KCNC1: variants seen among roughly 807,000 people sequenced by gnomAD.
KCNC1 encodes the protein potassium voltage-gated channel subfamily C member 1.
In KCNC1, 8 loss-of-function variants were observed where a neutral mutation model predicts 43.4. That is an observed-to-expected ratio of 0.18 (90% confidence interval 0.11 to 0.33). KCNC1 has a LOEUF of 0.33. Ranked by LOEUF, KCNC1 falls within the 10% of genes least tolerant of loss-of-function variation. KCNC1 has a pLI of 1.00. For missense variants in KCNC1, 420 were observed against 836.0 expected, an observed-to-expected ratio of 0.50 and a Z score of 6.14; for synonymous variants, 361 against 360.5, an observed-to-expected ratio of 1.00 and a Z score of -0.01.
At chr11:17,760,361 C>T (rs1448578059) in intron 1 of KCNC1, among the ~76,000 whole-genome samples, 1 of 152,116 alleles carries the variant, frequency 6.6e-6, no homozygotes, top group Admixed American at 6.5e-5. Flanking sequence ...GAGGAATTTC[C>T]CACGTGGGAT....
intron 1 of KCNC1, among the ~76,000 whole-genome samples, chr11:17,744,000 C>T (rs973891331): frequency 6.6e-6 from 1 of 152,084 alleles, no homozygotes; most frequent in African/African-American, 2.4e-5. Flanking sequence ...CAGGCGGGCC[C>T]TCAGGATTAG....
At chr11:17,755,115 C>T (rs1223918283) in intron 1 of KCNC1, among the ~76,000 whole-genome samples, 3 of 152,044 alleles carry the variant, frequency 2.0e-5, no homozygotes, top group Admixed American at 6.6e-5. Context: ...AAGCCATAGG[C>T]GTACCTGGGG....
chr11:17,745,634 AC>A (rs1412631398), intron 1 of KCNC1, among the ~76,000 whole-genome samples: 6 of 151,788 alleles, frequency 4.0e-5, no homozygotes, highest in African/African-American at 1.5e-4. Flanking sequence ...AGTGCCCCAC[AC>A]CCAGCATCTC....
In KCNC1 at chr11:17,773,996, GCT is replaced by G. The variant is rs1849259105; in HGVS notation, c.1504+1403_1504+1404del. The G allele has an allele frequency of 1.3e-5, 13 of 985,460 alleles. No homozygotes were observed. Among genetic ancestry groups the G allele is most frequent in the African/African-American group, 1.7e-5 (1 of 57,352 alleles). 61.0% of individuals were successfully genotyped at this position (985,460 alleles called of 1,614,324 possible). ...GATTGATTTTCTTCCCTGCTATCGC[GCT>G]CTCTGACCCACCACCCCATCCCAAT... On this transcript the variant is annotated intron_variant, in intron 2 of 3. Transcript: ENST00000265969. This position sits in a 1 kb window ranked among gnomAD's most constrained non-coding sequence, Gnocchi z 4.1.
intron 2 of KCNC1, chr11:17,774,977 T>G (rs1371785603): frequency 1.0e-6 from 1 of 985,202 alleles, no homozygotes; most frequent in African/African-American, 1.7e-5. Context: ...TTAGGGGCGT[T>G]GTCCCCACCT....
At chr11:17,745,522 G>A (rs1017589391) in intron 1 of KCNC1, among the ~76,000 whole-genome samples, 1 of 152,152 alleles carries the variant, frequency 6.6e-6, no homozygotes, top group African/African-American at 2.4e-5. Context: ...TTCTCTCAGG[G>A]CAGCCAGGGC....
At position 17,782,039 on chromosome 11, in the gene KCNC1, A is replaced by C; in HGVS notation, c.*305A>C. On this transcript the variant is annotated 3_prime_UTR_variant, in exon 4 of 4. Coordinates refer to ENST00000265969, the MANE Select transcript of KCNC1 (RefSeq NM_001112741.2). ...AAAACCCAGCAAACCAAACCCACCA[A>C]CCCCCTGCAACTGTATGATTACCCT... 1 of 357,240 alleles carries C rather than the reference A, an allele frequency of 2.8e-6. No individual in the cohort carries two copies. The highest frequency in any genetic ancestry group is 5.0e-6 in the Non-Finnish European group (1 of 199,454). 22.1% of individuals were successfully genotyped at this position (357,240 alleles called of 1,614,324 possible).
At position 17,771,962 on chromosome 11, in the gene KCNC1, T is replaced by G; in HGVS notation, c.868T>G (p.Tyr290Asp). ...TGACTTTGTGGCCATCCTGCCCTTC[T>G]ACCTGGAGGTGGGGCTGAGCGGCCT... ...IIDFVAILPF[Y>D]LEVGLSGLSS... The change falls in exon 2 of 4, where the codon TAC becomes GAC. Residue 290 changes from tyrosine (Y) to aspartate (D), a missense_variant. Tyr to Asp is a radical substitution (Grantham distance 160, BLOSUM62 -3). Around this residue, in one of 5 missense-constraint regions of KCNC1, gnomAD observed 58 missense variants for 256.9 expected, o/e 0.23. Transcript: ENST00000265969. This position sits in a 1 kb window ranked among gnomAD's most constrained non-coding sequence, Gnocchi z 4.7. The G allele has an allele frequency of 6.2e-7, 1 of 1,614,220 alleles. No homozygotes were observed. Among genetic ancestry groups the G allele is most frequent in the Non-Finnish European group, 8.5e-7 (1 of 1,180,034 alleles).
chr11:17,769,882 G>A (rs1451009578), intron 1 of KCNC1, among the ~76,000 whole-genome samples: 1 of 152,112 alleles, frequency 6.6e-6, no homozygotes, highest in South Asian at 2.1e-4. Context: ...ATCTCTTCCC[G>A]TTTCTGGGCC....
intron 1 of KCNC1, among the ~76,000 whole-genome samples, chr11:17,752,362 T>C (rs1344747838): frequency 6.6e-6 from 1 of 152,202 alleles, no homozygotes; most frequent in Non-Finnish European, 1.5e-5. Flanking sequence ...CAGGTCCCGA[T>C]GAGAGTGGCT....
chr11:17,777,893 C>G lies in KCNC1; in HGVS notation c.1505-1563C>G. The stretch of plus-strand genomic sequence containing the variant: ...GCGGTAATCCCACCCACGTGCACGC[C>G]CAGCGTGTGCACGTGGGGAAGGATC... On this transcript the variant is annotated intron_variant, in intron 2 of 3. Coordinates refer to ENST00000265969, the MANE Select transcript of KCNC1 (RefSeq NM_001112741.2). The surrounding 1 kb of genome is among the most constrained non-coding windows in gnomAD (Gnocchi z 4.3). 1 of 966,562 alleles carries G rather than the reference C, an allele frequency of 1.0e-6. No individual in the cohort carries two copies. The highest frequency in any genetic ancestry group is 1.2e-6 in the Non-Finnish European group (1 of 812,172). 59.9% of individuals were successfully genotyped at this position (966,562 alleles called of 1,614,324 possible). A position where few individuals can be genotyped will look rare whatever the true frequency, so the allele number is the denominator to read the frequency against.
chr11:17,754,809 A>G (rs1447901413), intron 1 of KCNC1, among the ~76,000 whole-genome samples: 1 of 152,236 alleles, frequency 6.6e-6, no homozygotes, highest in Non-Finnish European at 1.5e-5. Context: ...GTCAATGCCA[A>G]CACGCAGCCA....
At chr11:17,778,408 A>T (rs932555819) in intron 2 of KCNC1, among the ~76,000 whole-genome samples, 1 of 152,204 alleles carries the variant, frequency 6.6e-6, no homozygotes, top group Non-Finnish European at 1.5e-5. Flanking sequence ...TGTCTTCTAC[A>T]CATTCATCTG....
At chr11:17,775,616 AC>A in intron 2 of KCNC1, 2 of 985,430 alleles carry the variant, frequency 2.0e-6, no homozygotes, top group Non-Finnish European at 2.4e-6. Context: ...GGATGCCCAG[AC>A]CGCCCACTCT....
At chr11:17,762,976 C>T (rs1849095389) in intron 1 of KCNC1, among the ~76,000 whole-genome samples, 1 of 152,306 alleles carries the variant, frequency 6.6e-6, no homozygotes, top group Non-Finnish European at 1.5e-5. Context: ...GGGATGTGTG[C>T]ATTTTATATG....
intron 1 of KCNC1, among the ~76,000 whole-genome samples, chr11:17,740,853 C>A (rs951230377): frequency 6.6e-6 from 1 of 152,120 alleles, no homozygotes; most frequent in Non-Finnish European, 1.5e-5. Flanking sequence ...CCCCTCAGCT[C>A]CCAGGGAAGG....
intron 1 of KCNC1, among the ~76,000 whole-genome samples, chr11:17,754,335 T>G (rs1849000722): frequency 6.6e-6 from 1 of 152,176 alleles, no homozygotes; most frequent in East Asian, 1.9e-4. Flanking sequence ...TGTATGGAGA[T>G]TATCTTTTTA....
intron 1 of KCNC1, among the ~76,000 whole-genome samples, chr11:17,740,930 C>G (rs1381376120): frequency 6.6e-6 from 1 of 152,166 alleles, no homozygotes; most frequent in African/African-American, 2.4e-5. Context: ...TGGGTCCCAG[C>G]CGACACAGGG....
chr11:17,749,050 A>C (rs1848934694), intron 1 of KCNC1, among the ~76,000 whole-genome samples: 1 of 152,176 alleles, frequency 6.6e-6, no homozygotes. Context: ...TTCTCACTGC[A>C]GGTGTGCCGG....
Sources: gnomAD v4.1 joint callset for allele counts (sites outside exome capture counted in the v4.1 genomes callset) on GRCh38, gnomAD v4.1.1 for gene constraint, gnomAD v4.1.1 regional missense constraint, Gnocchi (gnomAD v3.1) non-coding constraint, MANE v1.5 for transcripts, NCBI Gene and HGNC (gene_info 2026-07-23, HGNC 2026-07-21) for gene names.